The following NME4 variants were observed in gnomAD, a reference collection of about 807,000 sequenced individuals.
NME4 encodes NME/NM23 nucleoside diphosphate kinase 4.
In NME4, 21 loss-of-function variants were observed where a neutral mutation model predicts 16.4. The ratio of observed to expected loss-of-function variants is 1.28; its 90% CI spans 0.91 to 1.84. The LOEUF is 1.84. NME4 is among the 40% of genes most tolerant of loss of function. NME4 has a pLI of 0.00. For synonymous variants in NME4, 132 were observed against 107.5 expected, an observed-to-expected ratio of 1.23 and a Z score of -1.41; for missense variants, 316 against 261.3, an observed-to-expected ratio of 1.21 and a Z score of -1.44.
rs745388608 is a variant in NME4, at chr16:399,639, T to A, written c.340T>A (p.Tyr114Asn). 6.4e-5 allele frequency: 104 copies of A among 1,612,954 alleles called. 1 individual carries two copies. The highest frequency in any genetic ancestry group is 8.1e-5 in the Non-Finnish European group (95 of 1,179,904). ...TCTCTCGCTGCAGGTCTGGGAAGGG[T>A]ACAATGTCGTCCGCGCCTCGAGGGC... ...GPVVAMVWEGYNVVRASRAMI... is the reference protein window; with the variant it reads ...GPVVAMVWEGNNVVRASRAMI... The change falls in exon 4 of 5, where the codon TAC (tyrosine) becomes AAC (asparagine). Residue 114 changes from tyrosine to asparagine, a missense_variant. Physicochemically the swap from Tyr to Asn is moderately radical, Grantham distance 143. Transcript: ENST00000219479.
Position 399,490 on chromosome 16 carries a change from G to T in NME4, c.327+10G>T. ...GCCTGTGGTGGCCATGGTACGGCAGGGCAGGGGTGGTGGAAGGGCCTGTGG... is the reference window on the plus strand; with the variant it reads ...GCCTGTGGTGGCCATGGTACGGCAGTGCAGGGGTGGTGGAAGGGCCTGTGG... On this transcript the variant is annotated intron_variant, in intron 3 of 4. Coordinates refer to ENST00000219479, the MANE Select transcript of NME4 (RefSeq NM_005009.3). 6.2e-7 allele frequency: 1 copy of T among 1,611,960 alleles called. No individual in the cohort carries two copies. The highest frequency in any genetic ancestry group is 1.1e-5 in the South Asian group (1 of 91,064).
upstream of NME4, chr16:397,130 G>A (rs1405314983): frequency 7.5e-6 from 2 of 267,120 alleles, no homozygotes; most frequent in African/African-American, 3.8e-5. Context: ...CCGGGGCGGC[G>A]GGGGGCTCCC....
intron 1 of NME4, chr16:397,892 G>C (rs371156421): frequency 1.9e-6 from 3 of 1,554,786 alleles, no homozygotes; most frequent in Non-Finnish European, 2.6e-6. Context: ...TCCCTCCATC[G>C]GCTCTGAAAA....
intron 1 of NME4, chr16:398,387 T>C (rs1349235618): frequency 3.2e-6 from 4 of 1,246,644 alleles, no homozygotes; most frequent in East Asian, 5.7e-5. Context: ...GCTCACCTGG[T>C]GGGGAAAGTG....
At chr16:397,760 G>C (rs2054576629) in intron 1 of NME4, 3 of 1,447,592 alleles carry the variant, frequency 2.1e-6, no homozygotes, top group Non-Finnish European at 2.7e-6. Context: ...GCTCCGCTGG[G>C]GCGTTCGCTG....
chr16:397,101 TCCGGGGCGGCGGGGGG>T, upstream of NME4: 4 of 49,310 alleles, frequency 8.1e-5, no homozygotes, highest in African/African-American at 1.9e-3. Context: ...GCCACGGGGG[TCCGGGGCGGCGGGGGG>T]CTCCGGGGCG....
intron 1 of NME4, chr16:398,141 G>C (rs2054587222): frequency 6.5e-7 from 1 of 1,529,786 alleles, no homozygotes; most frequent in African/African-American, 1.4e-5. Flanking sequence ...CGATGCCGGA[G>C]GGTAGCTTGG....
At position 400,235 on chromosome 16, in the gene NME4, AG is replaced by A. The variant is rs748763662; in HGVS notation, c.458del (p.Ser153ThrfsTer21). The A allele has an allele frequency of 3.0e-5, 48 of 1,605,144 alleles. No individual in the cohort carries two copies. Among genetic ancestry groups the A allele is most frequent in the Non-Finnish European group, 3.7e-5 (44 of 1,174,162 alleles). On this transcript the variant is annotated frameshift_variant, in exon 5 of 5. Transcript: ENST00000219479. LOFTEE classifies it low-confidence loss of function (END_TRUNC). ...VHISRNVIHA[S>X]DSVEGAQREI... ...CTGGCACAGGAATGTCATCCACGCC[AG>A]CGACTCCGTGGAGGGGGCCCAGCGG...
Position 397,287 on chromosome 16 carries a change from C to G in NME4, c.65C>G (p.Pro22Arg), listed in dbSNP as rs1597180743. Residue 22 changes from proline (P) to arginine (R), a missense_variant, in exon 1 of 5, where the codon CCG becomes CGG. Physicochemically the swap from Pro to Arg is moderately radical, Grantham distance 103. Coordinates refer to ENST00000219479, the MANE Select transcript of NME4 (RefSeq NM_005009.3). ...GLRCGPRAPG[P>R]SLLVRHGSGG... ...CGCTGCGGCCCGCGGGCCCCGGGCC[C>G]GAGCCTGCTAGTGCGCCACGGCTCG... is the stretch of plus-strand genomic sequence containing the variant. 9 of 1,059,534 alleles carry G rather than the reference C, an allele frequency of 8.5e-6. No homozygotes were observed. The highest frequency in any genetic ancestry group is 4.5e-5 in the South Asian group (1 of 22,372). The allele number at this position is 1,059,534 out of a possible 1,614,324, so 65.6% of individuals were successfully genotyped here.
intron 2 of NME4, 70 bp from the exon 3 acceptor site, chr16:399,309 G>A (rs771415110): frequency 4.7e-6 from 7 of 1,495,806 alleles, no homozygotes; most frequent in East Asian, 2.3e-5. Flanking sequence ...CTGAGGTCAG[G>A]GCATCACAGC....
In NME4 at chr16:399,662, G is replaced by A; in HGVS notation, c.363G>A (p.Arg121=). ...GGTACAATGTCGTCCGCGCCTCGAGGGCCATGATTGGACACACCGACTCGG... is the reference window on the plus strand; with the variant it reads ...GGTACAATGTCGTCCGCGCCTCGAGAGCCATGATTGGACACACCGACTCGG... ...WEGYNVVRAS[R]AMIGHTDSAE... The change falls in exon 4 of 5, where the codon AGG becomes AGA. Residue 121 remains arginine (R), a synonymous_variant. Transcript: ENST00000219479. 1 of 1,613,186 alleles carries A rather than the reference G, an allele frequency of 6.2e-7. No homozygotes were observed. Among genetic ancestry groups the A allele is most frequent in the East Asian group, 2.2e-5 (1 of 44,876 alleles).
rs767862737 is a variant in NME4 at position 399,043 on chromosome 16, G to T, written c.145G>T (p.Val49Leu). ...CCTGGTGGCGGTGAAGCCCGATGGC[G>T]TGCAACGGCGGCTCGTTGGGGACGT... Reference protein sequence around the residue: ...RTLVAVKPDGVQRRLVGDVIQ... With the variant: ...RTLVAVKPDGLQRRLVGDVIQ... The change falls in exon 2 of 5, where the codon GTG (valine) becomes TTG (leucine). Residue 49 changes from valine to leucine, a missense_variant. Transcript: ENST00000219479. The T allele has an allele frequency of 1.2e-6, 2 of 1,608,386 alleles. No homozygotes were observed. Among genetic ancestry groups the T allele is most frequent in the Non-Finnish European group, 1.7e-6 (2 of 1,179,670 alleles).
At chr16:398,382 C>A in intron 1 of NME4, 1 of 1,255,172 alleles carries the variant, frequency 8.0e-7, no homozygotes, top group African/African-American at 1.5e-5. Context: ...CCAGGGCTCA[C>A]CTGGTGGGGA....
intron 1 of NME4, chr16:397,979 T>C: frequency 1.3e-6 from 2 of 1,543,954 alleles, no homozygotes; most frequent in Non-Finnish European, 1.7e-6. Flanking sequence ...AAACTGGGTT[T>C]TGGGGGAACA....
intron 1 of NME4, chr16:398,125 G>A: frequency 1.3e-6 from 2 of 1,533,696 alleles, no homozygotes; most frequent in Non-Finnish European, 1.8e-6. Flanking sequence ...CTGGAAACCA[G>A]GGACCCGATG....
In NME4 at chr16:398,978, T is replaced by C. The variant is rs779759793; in HGVS notation, c.92-12T>C. On this transcript the variant is annotated splice_polypyrimidine_tract_variant and intron_variant, in intron 1 of 4. Coordinates refer to ENST00000219479, the MANE Select transcript of NME4 (RefSeq NM_005009.3). The stretch of plus-strand genomic sequence containing the variant: ...TGAGGTGGCAGTGCCTCTGACCTCT[T>C]GCCTTTTGAAGGAGGGCCCTCCTGG... 1 of 1,609,630 alleles carries C rather than the reference T, an allele frequency of 6.2e-7. No individual in the cohort carries two copies. The highest frequency in any genetic ancestry group is 1.3e-5 in the African/African-American group (1 of 74,940).
At chr16:398,028 C>G in intron 1 of NME4, 1 of 1,535,404 alleles carries the variant, frequency 6.5e-7, no homozygotes, top group South Asian at 1.2e-5. Flanking sequence ...GCTTCAGCCG[C>G]CTGCTGGGGT....
chr16:398,462 CAT>C, intron 1 of NME4: 1 of 1,134,858 alleles, frequency 8.8e-7, no homozygotes, highest in Non-Finnish European at 1.1e-6. Context: ...GGTTCTTCCT[CAT>C]GTGGAAAGTC....
At chr16:399,768 T>G (rs768643680) in intron 4 of NME4, 29 bp downstream of exon 4, 16 of 1,579,286 alleles carry the variant, frequency 1.0e-5, no homozygotes, top group Non-Finnish European at 1.4e-5. Context: ...ACCAGGCTGC[T>G]GCTGGGGGCA....
Sources: gnomAD v4.1 joint callset for allele counts on GRCh38, gnomAD v4.1.1 for gene constraint, MANE v1.5 for transcripts, NCBI Gene and HGNC (gene_info 2026-07-23, HGNC 2026-07-21) for gene names.